Variants in PRR36 observed in about 807,000 individuals in gnomAD.
PRR36 encodes proline-rich protein 36.
In PRR36, 30 loss-of-function variants were observed where a neutral mutation model predicts 58.6. The observed-to-expected ratio is 0.51, with a 90% CI of 0.38 to 0.69. The LOEUF is 0.69. PRR36 is among the 30% of genes least tolerant of loss of function. PRR36 has a pLI of 0.00. For missense variants in PRR36, 1,692 were observed against 1,805.6 expected (o/e 0.94, Z 1.14); for synonymous variants, 771 against 829.3 (o/e 0.93, Z 1.21).
chr19:7,871,953 G>A lies in PRR36; in HGVS notation c.1291C>T (p.Leu431=), dbSNP rs2145070200. The part of the protein sequence containing the change: ...ASVSPSVSSP[L]QSMPPTQANP... ...GCTTGGGTGGGGGGCATACTCTGCAGAGGGGATGAAACTGATGGAGAGACT... is the reference window on the plus strand; with the variant it reads ...GCTTGGGTGGGGGGCATACTCTGCAAAGGGGATGAAACTGATGGAGAGACT... The change falls in exon 5 of 6, where the codon CTG becomes TTG. Residue 431 remains leucine, a synonymous_variant. Coordinates refer to ENST00000618550, the MANE Select transcript of PRR36 (RefSeq NM_001190467.2). 6.5e-7 allele frequency: 1 copy of A among 1,535,892 alleles called. No individual in the cohort carries two copies. The highest frequency in any genetic ancestry group is 2.4e-5 in the East Asian group (1 of 40,916).
Position 7,873,743 on chromosome 19 carries a change from C to T in PRR36, c.-7-47G>A. The T allele has an allele frequency of 6.0e-6, 9 of 1,503,282 alleles. No individual in the cohort carries two copies. The highest frequency in any genetic ancestry group is 7.1e-6 in the Non-Finnish European group (8 of 1,126,626). The allele number at this position is 1,503,282 out of a possible 1,614,324, so 93.1% of individuals were successfully genotyped here. On this transcript the variant is annotated intron_variant, in intron 1 of 5. Coordinates refer to ENST00000618550, the MANE Select transcript of PRR36 (RefSeq NM_001190467.2). This position sits in a 1 kb window ranked among gnomAD's most constrained non-coding sequence, Gnocchi z 5.0. ...CATCCCAGGTTCTGGACAGCTACGCCGCCTCCAGAGACCTGGACCCTGCTA... is the reference window on the plus strand; with the variant it reads ...CATCCCAGGTTCTGGACAGCTACGCTGCCTCCAGAGACCTGGACCCTGCTA...
Position 7,868,995 on chromosome 19 carries a change from G to C in PRR36, c.*38C>G. 6 of 1,471,282 alleles carry C rather than the reference G, an allele frequency of 4.1e-6. No individual in the cohort carries two copies. Among genetic ancestry groups the C allele is most frequent in the Non-Finnish European group, 5.4e-6 (6 of 1,113,300 alleles). The allele number at this position is 1,471,282 out of a possible 1,614,324, so 91.1% of individuals were successfully genotyped here. ...CGTACCCGGAGGGGCGGATCCTAAG[G>C]CAGGGGTGGGGTGTAGCAGGCGGGG... On this transcript the variant is annotated 3_prime_UTR_variant, in exon 6 of 6. Coordinates refer to ENST00000618550, the MANE Select transcript of PRR36 (RefSeq NM_001190467.2).
Position 7,868,874 on chromosome 19 carries a change from C to T in PRR36, c.*159G>A. 2 of 860,044 alleles carry T rather than the reference C, an allele frequency of 2.3e-6. No homozygotes were observed. The highest frequency in any genetic ancestry group is 1.7e-6 in the Non-Finnish European group (1 of 596,044). 53.3% of individuals were successfully genotyped at this position (860,044 alleles called of 1,614,324 possible). A position where few individuals can be genotyped will look rare whatever the true frequency, so the allele number is the denominator to read the frequency against. ...CTAGGTCAAAGCTGTGGGTAGGTCC[C>T]GAGCCTCCGAGGCCAAAGGCTCAGG... On this transcript the variant is annotated 3_prime_UTR_variant, in exon 6 of 6. Transcript: ENST00000618550.
Position 7,870,385 on chromosome 19 carries a change from A to T in PRR36, c.2859T>A (p.Ala953=), listed in dbSNP as rs1049674154. Residue 953 remains alanine (A), a synonymous_variant, in exon 5 of 6, where the codon GCT becomes GCA. Transcript: ENST00000618550. ...TPPPQAPPPL[A]APPLQVPPSP... ...AGGGTGGGACCTGCAGAGGAGGCGC[A>T]GCGAGAGGGGGTGGGGCCTGTGGAG... The T allele has an allele frequency of 6.8e-5, 18 of 264,200 alleles. No individual in the cohort carries two copies. The highest frequency in any genetic ancestry group is 2.4e-4 in the Admixed American group (1 of 4,094). The allele number at this position is 264,200 out of a possible 1,614,324, so 16.4% of individuals were successfully genotyped here. A position where few individuals can be genotyped will look rare whatever the true frequency, so the allele number is the denominator to read the frequency against.
In PRR36 at chr19:7,868,805, C is replaced by CGGG. The variant is rs1391611661; in HGVS notation, c.*225_*227dup. On this transcript the variant is annotated 3_prime_UTR_variant, in exon 6 of 6. Coordinates refer to ENST00000618550, the MANE Select transcript of PRR36 (RefSeq NM_001190467.2). ...GCACACGGGGCGGGACTCGGGGAAA[C>CGGG]GGGGCGTGTCCTAGGCCAAAGGGGC... 6.2e-6 allele frequency: 3 copies of CGGG among 484,338 alleles called. No homozygotes were observed. Among genetic ancestry groups the CGGG allele is most frequent in the Non-Finnish European group, 1.1e-5 (3 of 277,942 alleles). The allele number at this position is 484,338 out of a possible 1,614,324, so 30.0% of individuals were successfully genotyped here.
rs1223286341 is a variant in PRR36 at position 7,870,706 on chromosome 19, G to A, written c.2538C>T (p.Ala846=). 1.6e-4 allele frequency: 191 copies of A among 1,225,066 alleles called. 2 individuals carry two copies. In the African/African-American group the frequency reaches 3.1e-3, roughly 20 times the overall value. 75.9% of individuals were successfully genotyped at this position (1,225,066 alleles called of 1,614,324 possible). A position where few individuals can be genotyped will look rare whatever the true frequency, so the allele number is the denominator to read the frequency against. The stretch of plus-strand genomic sequence containing the variant: ...GGGCCTGCAGAGGAGGCAAGGCCAG[G>A]GCAGGTGGGGCCTGTGGAGGGGGCG... ...LATPPPQAPP[A]LALPPLQAPP... The change falls in exon 5 of 6, where the codon GCC becomes GCT. Residue 846 remains alanine (A), a synonymous_variant. Transcript: ENST00000618550.
chr19:7,870,825 A>G lies in PRR36; in HGVS notation c.2419T>C (p.Ser807Pro). 1 of 1,435,392 alleles carries G rather than the reference A, an allele frequency of 7.0e-7. No homozygotes were observed. The allele number at this position is 1,435,392 out of a possible 1,614,324, so 88.9% of individuals were successfully genotyped here. A position where few individuals can be genotyped will look rare whatever the true frequency, so the allele number is the denominator to read the frequency against. ...TGTGGAGGAGGCGTGGCTATGGAAG[A>G]GGGCGTCTCCGGAGGGGGCGTGGTC... ...PLTTPPPETPSSIATPPPQAP... is the reference protein window; with the variant it reads ...PLTTPPPETPPSIATPPPQAP... Residue 807 changes from serine to proline, a missense_variant, in exon 5 of 6, where the codon TCT becomes CCT. Transcript: ENST00000618550.
chr19:7,870,919 CAGGGGAG>C lies in PRR36; in HGVS notation c.2318_2324del (p.Ala773GlyfsTer24). The C allele has an allele frequency of 3.2e-5, 45 of 1,395,872 alleles. No individual in the cohort carries two copies. Among genetic ancestry groups the C allele is most frequent in the Admixed American group, 3.0e-5 (1 of 33,352 alleles). 86.5% of individuals were successfully genotyped at this position (1,395,872 alleles called of 1,614,324 possible). A position where few individuals can be genotyped will look rare whatever the true frequency, so the allele number is the denominator to read the frequency against. On this transcript the variant is annotated frameshift_variant, in exon 5 of 6. Coordinates refer to ENST00000618550, the MANE Select transcript of PRR36 (RefSeq NM_001190467.2). LOFTEE classifies it high-confidence loss of function. ...GTGGAGTCTCCAGATGGGGTGTGGTCAGGGGAGCAGAAGCTGTCTGCAGAGGAGGCGG... is the reference window on the plus strand; with the variant it reads ...GTGGAGTCTCCAGATGGGGTGTGGTCCAGAAGCTGTCTGCAGAGGAGGCGG...
In PRR36 at chr19:7,869,955, C is replaced by T; in HGVS notation, c.3289G>A (p.Ala1097Thr). 2 of 1,375,730 alleles carry T rather than the reference C, an allele frequency of 1.5e-6. No homozygotes were observed. Among genetic ancestry groups the T allele is most frequent in the Non-Finnish European group, 1.9e-6 (2 of 1,072,034 alleles). The allele number at this position is 1,375,730 out of a possible 1,614,324, so 85.2% of individuals were successfully genotyped here. ...GGCGGCGGCGGGCCGGGGGCCAACG[C>T]CAGGGTCAGCCGTGGGCCCGAGACG... The part of the protein sequence containing the change: ...TSVSGPRLTL[A>T]LAPGPPPPPS... Residue 1097 changes from alanine to threonine, a missense_variant, in exon 5 of 6, where the codon GCG becomes ACG. Transcript: ENST00000618550.
chr19:7,871,396 A>G lies in PRR36; in HGVS notation c.1848T>C (p.Ser616=). ...LALSSLQATT[S]LGSPTLQATH... ...TGGCCTGCAGAGTGGGTGAGCCCAA[A>G]GAAGTTGTGGCCTGCAGAGAGGACA... Residue 616 remains serine (S), a synonymous_variant, in exon 5 of 6, where the codon TCT becomes TCC. Coordinates refer to ENST00000618550, the MANE Select transcript of PRR36 (RefSeq NM_001190467.2). 1 of 1,535,732 alleles carries G rather than the reference A, an allele frequency of 6.5e-7. No homozygotes were observed. The highest frequency in any genetic ancestry group is 8.7e-7 in the Non-Finnish European group (1 of 1,146,828).
rs746926831 is a variant in PRR36 at position 7,871,602 on chromosome 19, G to A, written c.1642C>T (p.Leu548=). Residue 548 remains leucine, a synonymous_variant, in exon 5 of 6, where the codon CTA becomes TTA. Transcript: ENST00000618550. ...LTTVSLQDPP[L]VSPSLLASPP... Reference sequence around the variant, plus strand: ...GAGGCCAAAAGAGAGGGAGAAACTAGAGGAGGATCCTGCAGAGAGACTGTG... The same window carrying A: ...GAGGCCAAAAGAGAGGGAGAAACTAAAGGAGGATCCTGCAGAGAGACTGTG... The A allele has an allele frequency of 6.6e-5, 101 of 1,535,752 alleles. No homozygotes were observed. Among genetic ancestry groups the A allele is most frequent in the Non-Finnish European group, 8.2e-5 (94 of 1,146,866 alleles).
chr19:7,873,199 G>C lies in PRR36; in HGVS notation c.372C>G (p.Thr124=). The change falls in exon 3 of 6, where the codon ACC becomes ACG. Residue 124 remains threonine, a splice_region_variant and synonymous_variant. Transcript: ENST00000618550. This position sits in a 1 kb window ranked among gnomAD's most constrained non-coding sequence, Gnocchi z 5.0. ...CTGGGGGAGAGGGAGCAGGTTACCT[G>C]GTGGTCCCGCTGGCACGCCCTGGGC... The part of the protein sequence containing the change: ...VSSPGRASGT[T]RPGPLGQKGL... 1 of 1,535,824 alleles carries C rather than the reference G, an allele frequency of 6.5e-7. No individual in the cohort carries two copies. Among genetic ancestry groups the C allele is most frequent in the Non-Finnish European group, 8.7e-7 (1 of 1,146,640 alleles).
In PRR36 at chr19:7,872,131, A is replaced by G. The variant is rs1887489220; in HGVS notation, c.1113T>C (p.Pro371=). The part of the protein sequence containing the change: ...SLTCQLATPL[P]LAPPSPSAPP... ...GAGCAGAGGGAGAAGGAGGGGCTAG[A>G]GGAAGGGGCGTGGCCAACTGACAGG... The change falls in exon 5 of 6, where the codon CCT becomes CCC. Residue 371 remains proline, a synonymous_variant. Transcript: ENST00000618550. This position sits in a 1 kb window ranked among gnomAD's most constrained non-coding sequence, Gnocchi z 6.1. 2.0e-6 allele frequency: 3 copies of G among 1,496,172 alleles called. No individual in the cohort carries two copies. Among genetic ancestry groups the G allele is most frequent in the East Asian group, 2.5e-5 (1 of 39,234 alleles). The allele number at this position is 1,496,172 out of a possible 1,614,324, so 92.7% of individuals were successfully genotyped here.
rs866794447 is a variant in PRR36, at chr19:7,871,754, G to C, written c.1490C>G (p.Pro497Arg). Residue 497 changes from proline (P) to arginine (R), a missense_variant, in exon 5 of 6, where the codon CCG (proline) becomes CGG (arginine). Physicochemically the swap from Pro to Arg is moderately radical, Grantham distance 103 (BLOSUM62 -2). This residue lies in a region of PRR36 where 975 missense variants were observed against 955.2 expected (regional missense o/e 1.02). Transcript: ENST00000618550. The part of the protein sequence containing the change: ...PGLSALTTPP[P>R]QASPSPSPPS... ...CGGAGACGGGGAAGGACTGGCCTGC[G>C]GAGGGGGCGTGGTCAGAGCAGAAAG... 1 of 1,535,926 alleles carries C rather than the reference G, an allele frequency of 6.5e-7. No homozygotes were observed. The highest frequency in any genetic ancestry group is 2.4e-5 in the East Asian group (1 of 40,892).
Position 7,869,794 on chromosome 19 carries a change from G to T in PRR36, c.3450C>A (p.Pro1150=), listed in dbSNP as rs1416739409. Residue 1150 remains proline, a synonymous_variant, in exon 5 of 6, where the codon CCC becomes CCA. Coordinates refer to ENST00000618550, the MANE Select transcript of PRR36 (RefSeq NM_001190467.2). The part of the protein sequence containing the change: ...PEGGAAASPP[P]DAELAACHPA... Reference sequence around the variant, plus strand: ...GGTGGCAAGCGGCGAGCTCTGCGTCGGGGGGCGGGGAGGCTGCGGCACCGC... The same window carrying T: ...GGTGGCAAGCGGCGAGCTCTGCGTCTGGGGGCGGGGAGGCTGCGGCACCGC... The T allele has an allele frequency of 1.5e-6, 2 of 1,354,962 alleles. No individual in the cohort carries two copies. The highest frequency in any genetic ancestry group is 1.9e-6 in the Non-Finnish European group (2 of 1,060,164). The allele number at this position is 1,354,962 out of a possible 1,614,324, so 83.9% of individuals were successfully genotyped here. A position where few individuals can be genotyped will look rare whatever the true frequency, so the allele number is the denominator to read the frequency against.
In PRR36 at chr19:7,871,091, G is replaced by A; in HGVS notation, c.2153C>T (p.Ala718Val). The A allele has an allele frequency of 6.5e-7, 1 of 1,532,268 alleles. No homozygotes were observed. Among genetic ancestry groups the A allele is most frequent in the South Asian group, 1.2e-5 (1 of 83,600 alleles). The allele number at this position is 1,532,268 out of a possible 1,614,324, so 94.9% of individuals were successfully genotyped here. A position where few individuals can be genotyped will look rare whatever the true frequency, so the allele number is the denominator to read the frequency against. Residue 718 changes from alanine (A) to valine (V), a missense_variant, in exon 5 of 6, where the codon GCC (alanine) becomes GTC (valine). Ala to Val is a moderately conservative substitution (Grantham distance 64, BLOSUM62 0). Around this residue, in one of 5 missense-constraint regions of PRR36, gnomAD observed 38 missense variants for 100.7 expected, o/e 0.38. Coordinates refer to ENST00000618550, the MANE Select transcript of PRR36 (RefSeq NM_001190467.2). The part of the protein sequence containing the change: ...MPPLETQSSL[A>V]PPSLQTPPAS... Reference sequence around the variant, plus strand: ...AGGAGGTGTCTGCAGAGAGGGTGGGGCTAGGGAAGATTGGGTCTCCAGAGG... The same window carrying A: ...AGGAGGTGTCTGCAGAGAGGGTGGGACTAGGGAAGATTGGGTCTCCAGAGG...
chr19:7,873,773 A>G lies in PRR36; in HGVS notation c.-7-77T>C. On this transcript the variant is annotated intron_variant, in intron 1 of 5. Transcript: ENST00000618550. This position sits in a 1 kb window ranked among gnomAD's most constrained non-coding sequence, Gnocchi z 5.0. ...CCAGAGACCTGGACCCTGCTACCTC[A>G]CTGCCCTTTCGCAGCATCGCCACCC... 7.2e-7 allele frequency: 1 copy of G among 1,388,906 alleles called. No individual in the cohort carries two copies. Among genetic ancestry groups the G allele is most frequent in the Non-Finnish European group, 9.6e-7 (1 of 1,044,512 alleles). The allele number at this position is 1,388,906 out of a possible 1,614,324, so 86.0% of individuals were successfully genotyped here. A position where few individuals can be genotyped will look rare whatever the true frequency, so the allele number is the denominator to read the frequency against.
At position 7,872,382 on chromosome 19, in the gene PRR36, G is replaced by A; in HGVS notation, c.862C>T (p.Pro288Ser). 1.4e-6 allele frequency: 2 copies of A among 1,450,324 alleles called. No homozygotes were observed. Among genetic ancestry groups the A allele is most frequent in the Non-Finnish European group, 9.0e-7 (1 of 1,107,596 alleles). The allele number at this position is 1,450,324 out of a possible 1,614,324, so 89.8% of individuals were successfully genotyped here. A position where few individuals can be genotyped will look rare whatever the true frequency, so the allele number is the denominator to read the frequency against. ...AGTGCTGGGGCTGCGTCCTTCCTTG[G>A]GGGTGTGACCTGAGGGGGTCGCAGA... ...QALRPPQVTP[P>S]RKDAAPALGP... Residue 288 changes from proline (P) to serine (S), a missense_variant, in exon 5 of 6, where the codon CCA (proline) becomes TCA (serine). Physicochemically the swap from Pro to Ser is moderately conservative, Grantham distance 74. This residue lies in a region of PRR36 where 975 missense variants were observed against 955.2 expected (regional missense o/e 1.02). Transcript: ENST00000618550. The surrounding 1 kb of genome is among the most constrained non-coding windows in gnomAD (Gnocchi z 6.1).
Position 7,872,329 on chromosome 19 carries a change from G to A in PRR36, c.915C>T (p.Ala305=). 1 of 1,454,262 alleles carries A rather than the reference G, an allele frequency of 6.9e-7. No individual in the cohort carries two copies. The highest frequency in any genetic ancestry group is 9.0e-7 in the Non-Finnish European group (1 of 1,109,754). 90.1% of individuals were successfully genotyped at this position (1,454,262 alleles called of 1,614,324 possible). The change falls in exon 5 of 6, where the codon GCC becomes GCT. Residue 305 remains alanine (A), a synonymous_variant. Transcript: ENST00000618550. The surrounding 1 kb of genome is among the most constrained non-coding windows in gnomAD (Gnocchi z 6.1). ...ALGPLSSSPL[A]TPSPSGTKAR... ...CCTTGGTACCCGATGGAGAGGGTGT[G>A]GCCAAAGGAGAGGAAGAAAGCGGTC...
Sources: allele counts gnomAD v4.1 joint callset, GRCh38; gene constraint gnomAD v4.1.1; regional missense constraint gnomAD v4.1.1; non-coding constraint Gnocchi (gnomAD v3.1); transcripts MANE v1.5; gene names NCBI Gene and HGNC (gene_info 2026-07-23, HGNC 2026-07-21).